The following SFI1 variants were observed in gnomAD, a reference collection of about 807,000 sequenced individuals.
SFI1 encodes SFI1 centrin binding protein, also known as protein SFI1 homolog.
In SFI1, 195 loss-of-function variants were observed where a neutral mutation model predicts 207.5. That is an observed-to-expected ratio of 0.94 (90% confidence interval 0.84 to 1.06). The LOEUF (loss-of-function observed/expected upper bound fraction) is 1.06. SFI1 is among the 50% of genes least tolerant of loss of function. The pLI, the probability that SFI1 is intolerant of heterozygous loss-of-function variation, is 0.00. For missense variants in SFI1, 1,634 were observed against 1,588.0 expected (o/e 1.03, Z -0.49); for synonymous variants, 630 against 598.9 (o/e 1.05, Z -0.76).
At chr22:31,603,100 C>T (rs1409110607) in intron 17 of SFI1, among the ~76,000 whole-genome samples, 2 of 152,126 alleles carry the variant, frequency 1.3e-5, no homozygotes, top group African/African-American at 2.4e-5. Flanking sequence ...GGCGTGGTGG[C>T]GCAAGCATGT....
At chr22:31,503,099 G>A (rs2054070611) in intron 1 of SFI1, among the ~76,000 whole-genome samples, 1 of 149,716 alleles carries the variant, frequency 6.7e-6, no homozygotes, top group South Asian at 2.1e-4. Context: ...TTAGTTGGAA[G>A]CTCCTTGTGT....
At chr22:31,593,980 AC>A (rs2066606900) in intron 15 of SFI1, among the ~76,000 whole-genome samples, 1 of 94,580 alleles carries the variant, frequency 1.1e-5, no homozygotes, top group Admixed American at 1.5e-4. Context: ...CCATGGGGAG[AC>A]GGAGACGAGG....
chr22:31,524,732 A>T (rs1471667107), intron 2 of SFI1, among the ~76,000 whole-genome samples: 5 of 132,238 alleles, frequency 3.8e-5, no homozygotes, highest in Admixed American at 2.3e-4. Context: ...GAGATGTTTG[A>T]GTTCTTTGTA....
chr22:31,579,341 A>T (rs1331426323), intron 11 of SFI1, among the ~76,000 whole-genome samples: 1 of 149,020 alleles, frequency 6.7e-6, no homozygotes, highest in Admixed American at 6.7e-5. Flanking sequence ...TTTGAGACAG[A>T]GTCTCGCTCT....
In SFI1 at chr22:31,548,876, A is replaced by G. The variant is rs562224110; in HGVS notation, c.450-1378A>G. On this transcript the variant is annotated intron_variant, in intron 5 of 32. Transcript: ENST00000400288. The stretch of plus-strand genomic sequence containing the variant: ...TTTAAAACTAGGAAAATATGAAGAG[A>G]TGAAGGTCTTAAGATGTATAGTGTA... Among the ~76,000 whole-genome samples the G allele has an allele frequency of 4.6e-5, 7 of 152,120 alleles. No individual in the cohort carries two copies. In the South Asian group the frequency reaches 6.2e-4, roughly 14 times the overall value.
At chr22:31,609,498 A>C (rs2069684040) in intron 22 of SFI1, among the ~76,000 whole-genome samples, 1 of 152,266 alleles carries the variant, frequency 6.6e-6, no homozygotes, top group African/African-American at 2.4e-5. Flanking sequence ...AATAAAAGTG[A>C]AAACATTTAG....
intron 27 of SFI1, 115 bp from the exon 28 acceptor site, chr22:31,614,674 G>A: frequency 8.1e-7 from 1 of 1,239,792 alleles, no homozygotes; most frequent in Non-Finnish European, 1.2e-6. Context: ...GCTGACCTTG[G>A]CCTCGCCTTT....
At chr22:31,595,619 A>G (rs1406123033) in intron 15 of SFI1, among the ~76,000 whole-genome samples, 4 of 152,192 alleles carry the variant, frequency 2.6e-5, no homozygotes, top group Non-Finnish European at 4.4e-5. Flanking sequence ...CTGAGAACCA[A>G]TTCAAGAGAA....
intron 4 of SFI1, among the ~76,000 whole-genome samples, chr22:31,543,716 A>G (rs1488703004): frequency 2.0e-5 from 3 of 151,892 alleles, no homozygotes; most frequent in Admixed American, 6.6e-5. Flanking sequence ...AGGCTGAGGC[A>G]GGAGAATCCT....
At chr22:31,614,690 C>T (rs774059507) in intron 27 of SFI1, 99 bp from the exon 28 acceptor site, 3 of 1,406,656 alleles carry the variant, frequency 2.1e-6, no homozygotes, top group Non-Finnish European at 3.0e-6. Context: ...CCTTTCCTGA[C>T]TTTCAGTCTC....
intron 5 of SFI1, among the ~76,000 whole-genome samples, chr22:31,549,995 G>A (rs1372939960): frequency 2.6e-5 from 4 of 151,682 alleles, no homozygotes; most frequent in Non-Finnish European, 5.9e-5. Context: ...AGTGGCATGC[G>A]ATCTCGGCTC....
chr22:31,523,914 G>A (rs1019572098), intron 2 of SFI1, among the ~76,000 whole-genome samples: 27 of 149,658 alleles, frequency 1.8e-4, no homozygotes, highest in African/African-American at 6.1e-4. Flanking sequence ...TTAAACCTAA[G>A]TTGCAACAAT....
At chr22:31,614,895 G>C in intron 28 of SFI1, 35 bp downstream of exon 28, 1 of 1,609,740 alleles carries the variant, frequency 6.2e-7, no homozygotes, top group East Asian at 2.2e-5. Context: ...CAGGCAGGGG[G>C]AGATGGTCAG....
chr22:31,572,897 C>T (rs1271664883), intron 8 of SFI1, 161 bp from the exon 9 acceptor site: 3 of 604,420 alleles, frequency 5.0e-6, no homozygotes, highest in African/African-American at 1.8e-5. Flanking sequence ...ACCCTTTTAC[C>T]CCACGGTCCC....
intron 2 of SFI1, among the ~76,000 whole-genome samples, chr22:31,526,298 C>CT (rs1352101445): frequency 6.6e-6 from 1 of 152,102 alleles, no homozygotes; most frequent in East Asian, 1.9e-4. Flanking sequence ...CCTCAAGAAA[C>CT]TTACAATCAT....
chr22:31,559,533 C>T lies in SFI1; in HGVS notation c.663-1757C>T, dbSNP rs947018023. 41 of 575,546 alleles carry T rather than the reference C, an allele frequency of 7.1e-5. No individual in the cohort carries two copies. The Middle Eastern group carries it at 3.3e-3, about 46-fold the overall frequency. 35.7% of individuals were successfully genotyped at this position (575,546 alleles called of 1,614,324 possible). A position where few individuals can be genotyped will look rare whatever the true frequency, so the allele number is the denominator to read the frequency against. ...TCCAGCGTATTTTGCGAATACTCAA[C>T]AGCAACATCAACGGGCAGCAGAAAA... On this transcript the variant is annotated intron_variant, in intron 7 of 32. Coordinates refer to ENST00000400288, the MANE Select transcript of SFI1 (RefSeq NM_001007467.3).
At chr22:31,580,916 A>G (rs543939353) in intron 12 of SFI1, among the ~76,000 whole-genome samples, 7 of 152,172 alleles carry the variant, frequency 4.6e-5, no homozygotes, top group African/African-American at 1.7e-4. Context: ...TTTTTTATCT[A>G]TTTGCCAAGA....
At chr22:31,617,248 C>G (rs2071747088) in intron 31 of SFI1, among the ~76,000 whole-genome samples, 170 bp downstream of exon 31, 1 of 152,044 alleles carries the variant, frequency 6.6e-6, no homozygotes, top group Non-Finnish European at 1.5e-5. Context: ...CCAGAAAGAC[C>G]CCATCTCCAC....
At chr22:31,603,888 T>C in intron 18 of SFI1, 69 bp downstream of exon 18, 1 of 1,426,784 alleles carries the variant, frequency 7.0e-7, no homozygotes, top group Admixed American at 2.6e-5. Context: ...TCAGCAGGAC[T>C]CACAGGCAAC....
Sources: allele counts gnomAD v4.1 joint callset (sites outside exome capture counted in the v4.1 genomes callset), GRCh38; gene constraint gnomAD v4.1.1; transcripts MANE v1.5; gene names NCBI Gene and HGNC (gene_info 2026-07-23, HGNC 2026-07-21).